MXRA5: variants seen among roughly 807,000 people sequenced by gnomAD.
MXRA5 encodes the protein matrix remodeling associated 5.
In MXRA5, 41 loss-of-function variants were observed where a neutral mutation model predicts 112.5. The ratio of observed to expected loss-of-function variants is 0.36; its 90% CI spans 0.28 to 0.47. The LOEUF is 0.47. MXRA5 is among the 20% of genes least tolerant of loss of function. The pLI is 0.99. For synonymous variants in MXRA5, 862 were observed against 900.8 expected (o/e 0.96, Z 0.77); for missense variants, 2,150 against 2,251.0 (o/e 0.96, Z 0.91).
At position 3,317,372 on chromosome X, in the gene MXRA5, G is replaced by C. The variant is rs1921171770; in HGVS notation, c.6309C>G (p.Pro2103=). ...QFLHGNLFVF[P]NGTLYIRNLA... ...GGTTGCGGATGTAGAGCGTCCCGTTGGGGAAAACAAACAAGTTCCCGTGGA... is the reference window on the plus strand; with the variant it reads ...GGTTGCGGATGTAGAGCGTCCCGTTCGGGAAAACAAACAAGTTCCCGTGGA... Residue 2103 remains proline, a synonymous_variant, in exon 6 of 7, where the codon CCC becomes CCG. Coordinates refer to ENST00000217939, the MANE Select transcript of MXRA5 (RefSeq NM_015419.4). 8.3e-7 allele frequency: 1 copy of C among 1,208,902 alleles called. No individual in the cohort carries two copies. Among genetic ancestry groups the C allele is most frequent in the African/African-American group, 1.7e-5 (1 of 57,668 alleles).
intron 6 of MXRA5, among the ~76,000 whole-genome samples, chrX:3,315,504 T>C (rs1921093232): frequency 9.2e-6 from 1 of 108,470 alleles, no homozygotes; most frequent in African/African-American, 3.4e-5. Flanking sequence ...TGATGGGCCA[T>C]CCTGTGCACT....
intron 4 of MXRA5, among the ~76,000 whole-genome samples, chrX:3,326,137 A>ATACATTTATATATATTTATATATAT (rs1921487728): frequency 4.7e-5 from 2 of 42,742 alleles, no homozygotes; most frequent in Admixed American, 3.1e-4. Context: ...ATATATATAA[A>ATACATTTATATATATTTATATATAT]TTATATGTAA....
At chrX:3,340,967 T>C (rs1457839088) in intron 2 of MXRA5, among the ~76,000 whole-genome samples, 17 of 83,196 alleles carry the variant, frequency 2.0e-4, no homozygotes, top group African/African-American at 6.9e-4. Context: ...AGATATATAT[T>C]ATGTATAATA....
At chrX:3,326,648 C>T (rs988320091) in intron 4 of MXRA5, among the ~76,000 whole-genome samples, 3 of 109,517 alleles carry the variant, frequency 2.7e-5, no homozygotes, top group African/African-American at 1.0e-4. Context: ...TTTGAGTTCA[C>T]GTTGTCCTCT....
chrX:3,334,289 T>C (rs1921736406), intron 2 of MXRA5, among the ~76,000 whole-genome samples: 4 of 111,975 alleles, frequency 3.6e-5, no homozygotes, highest in Non-Finnish European at 5.6e-5. Flanking sequence ...CTAGGCCTCA[T>C]GTTTTGAGGT....
Position 3,321,142 on chromosome X carries a change from T to G in MXRA5, c.4543A>C (p.Ser1515Arg), listed in dbSNP as rs775483464. 6.6e-6 allele frequency: 8 copies of G among 1,210,294 alleles called. No individual in the cohort carries two copies. The East Asian group carries it at 2.4e-4, about 36-fold the overall frequency. The change falls in exon 5 of 7, where the codon AGT becomes CGT. Residue 1515 changes from serine to arginine, a missense_variant. Physicochemically the swap from Ser to Arg is moderately radical, Grantham distance 110 (BLOSUM62 -1). Coordinates refer to ENST00000217939, the MANE Select transcript of MXRA5 (RefSeq NM_015419.4). ...QTTTTKPALPSPRISQASRDS... is the reference protein window; with the variant it reads ...QTTTTKPALPRPRISQASRDS... ...CTAGATGCTTGAGATATTCTTGGAC[T>G]GGGAAGTGCTGGCTTAGTGGTGGTG...
chrX:3,317,059 C>T (rs368629556), intron 6 of MXRA5, 44 bp downstream of exon 6: 400 of 1,088,707 alleles, frequency 3.7e-4, no homozygotes, highest in Non-Finnish European at 4.6e-4. Context: ...TTCGTTGGGG[C>T]CACCAGCCCA....
rs1569179727 is a variant in MXRA5 at position 3,310,030 on chromosome X, G to A, written c.8173C>T (p.Pro2725Ser). The change falls in exon 7 of 7, where the codon CCC (proline) becomes TCC (serine). Residue 2725 changes from proline to serine, a missense_variant. By Grantham distance (74) the Pro-to-Ser change is moderately conservative. This residue lies in a region of MXRA5 where 178 missense variants were observed against 198.2 expected (regional missense o/e 0.90). Coordinates refer to ENST00000217939, the MANE Select transcript of MXRA5 (RefSeq NM_015419.4). ...GGAGGATAGGCGATCACAATCACGG[G>A]GATGCTGGTGACCGAAGGGCCGTAC... ...TEYGPSVTSI[P>S]VIVIAYPPRI... 1 of 1,209,145 alleles carries A rather than the reference G, an allele frequency of 8.3e-7. No individual in the cohort carries two copies. The highest frequency in any genetic ancestry group is 1.1e-6 in the Non-Finnish European group (1 of 894,956).
chrX:3,320,445 C>T lies in MXRA5; in HGVS notation c.5240G>A (p.Arg1747Gln). The T allele has an allele frequency of 8.3e-6, 10 of 1,211,256 alleles. No homozygotes were observed. The highest frequency in any genetic ancestry group is 3.5e-5 in the South Asian group (2 of 56,926). ...AGGAGAAGTGGGTATCTGGGGTCTC[C>T]GGGTGACTCCCAACTGTGGAAAAGA... ...TLSFPQLGVT[R>Q]RPQIPTSPAP... The change falls in exon 5 of 7, where the codon CGG becomes CAG. Residue 1747 changes from arginine (R) to glutamine (Q), a missense_variant. By Grantham distance (43) the Arg-to-Gln change is conservative. Around this residue, in one of 6 missense-constraint regions of MXRA5, gnomAD observed 1,485 missense variants for 1,471.6 expected, o/e 1.01. Transcript: ENST00000217939.
rs767267397 is a variant in MXRA5, at chrX:3,311,067, G to C, written c.7136C>G (p.Thr2379Ser). The C allele has an allele frequency of 1.7e-6, 2 of 1,211,600 alleles. No homozygotes were observed. The highest frequency in any genetic ancestry group is 1.8e-5 in the South Asian group (1 of 56,948). ...EAKGEPMPKV[T>S]WLSPTNKVIP... ...CACCTTGTTGGTTGGGGACAACCAA[G>C]TCACCTTGGGCATGGGTTCTCCTTT... Residue 2379 changes from threonine (T) to serine (S), a missense_variant, in exon 7 of 7, where the codon ACT (threonine) becomes AGT (serine). This residue lies in a region of MXRA5 where 1,485 missense variants were observed against 1,471.6 expected (regional missense o/e 1.01). Coordinates refer to ENST00000217939, the MANE Select transcript of MXRA5 (RefSeq NM_015419.4).
chrX:3,320,803 T>C lies in MXRA5; in HGVS notation c.4882A>G (p.Ser1628Gly), dbSNP rs768984342. 1 of 1,212,091 alleles carries C rather than the reference T, an allele frequency of 8.3e-7. No homozygotes were observed. Among genetic ancestry groups the C allele is most frequent in the Non-Finnish European group, 1.1e-6 (1 of 895,620 alleles). The stretch of plus-strand genomic sequence containing the variant: ...GAAGTTACAAAGTATCTGGAAGCGC[T>C]TTGTGTGGACATTTCAGGCAGCCTC... ...TVRLPEMSTQ[S>G]ASRYFVTSQS... Residue 1628 changes from serine to glycine, a missense_variant, in exon 5 of 7, where the codon AGC becomes GGC. Physicochemically the swap from Ser to Gly is moderately conservative, Grantham distance 56 (BLOSUM62 0). Transcript: ENST00000217939.
Position 3,345,625 on chromosome X carries a change from C to T in MXRA5, c.-29+890G>A, listed in dbSNP as rs771514565. 1.5e-4 allele frequency among the ~76,000 whole-genome samples: 17 copies of T among 113,213 alleles called. No individual in the cohort carries two copies. In the East Asian group the frequency reaches 3.4e-3, roughly 23 times the overall value. On this transcript the variant is annotated intron_variant, in intron 1 of 6. Transcript: ENST00000217939. ...TAATCCCGGGGACTCGGGGTCGGGT[C>T]TCTCCGCCGCGGAGAAAGCGGCCTG... is the stretch of plus-strand genomic sequence containing the variant.
At chrX:3,337,475 GTATCTATC>G (rs888372489) in intron 2 of MXRA5, among the ~76,000 whole-genome samples, 6 of 111,505 alleles carry the variant, frequency 5.4e-5, no homozygotes, top group Non-Finnish European at 7.5e-5. Context: ...CCCTCTGTCT[GTATCTATC>G]TATCTATCTA....
intron 4 of MXRA5, among the ~76,000 whole-genome samples, chrX:3,329,555 A>G (rs865878114): frequency 2.3e-5 from 2 of 88,552 alleles, no homozygotes; most frequent in Middle Eastern, 5.8e-3. Context: ...ATAGCTCTCT[A>G]GATCAATAGT....
rs113892373 is a variant in MXRA5, at chrX:3,310,379, C to T, written c.7824G>A (p.Ser2608=). ...CGCAGCGGTAGGCCCCGGCGTCCAC[C>T]GAGGAGAGACCGCTAATGTGTAGCA... ...DGMLHISGLS[S]VDAGAYRCVA... The change falls in exon 7 of 7, where the codon TCG becomes TCA. Residue 2608 remains serine, a synonymous_variant. Transcript: ENST00000217939. 0.056 allele frequency: 66,911 copies of T among 1,194,585 alleles called. 2,558 individuals carry two copies. The highest frequency in any genetic ancestry group is 0.26 in the African/African-American group (14,649 of 55,777).
rs1230365474 is a variant in MXRA5 at position 3,309,013 on chromosome X, A to G, written c.*703T>C. On this transcript the variant is annotated 3_prime_UTR_variant, in exon 7 of 7. Coordinates refer to ENST00000217939, the MANE Select transcript of MXRA5 (RefSeq NM_015419.4). ...CAAGTCTTGTAAAGACCAATAATTTATTAATTTTAATAAGACAGAAAGTAT... is the reference window on the plus strand; with the variant it reads ...CAAGTCTTGTAAAGACCAATAATTTGTTAATTTTAATAAGACAGAAAGTAT... The G allele has an allele frequency of 3.6e-5, 4 of 111,903 alleles. No homozygotes were observed. The highest frequency in any genetic ancestry group is 1.3e-4 in the African/African-American group (4 of 30,768). The allele number at this position is 111,903 out of a possible 1,213,427, so 9.2% of individuals were successfully genotyped here.
intron 2 of MXRA5, among the ~76,000 whole-genome samples, chrX:3,341,279 ATAAT>A (rs1298401738): frequency 2.1e-5 from 1 of 48,601 alleles, no homozygotes; most frequent in African/African-American, 7.5e-5. Flanking sequence ...TATATAATAT[ATAAT>A]TAATATATAT....
chrX:3,322,491 T>C lies in MXRA5; in HGVS notation c.3194A>G (p.Gln1065Arg), dbSNP rs1921339004. The change falls in exon 5 of 7, where the codon CAG (glutamine) becomes CGG (arginine). Residue 1065 changes from glutamine (Q) to arginine (R), a missense_variant. By Grantham distance (43) the Gln-to-Arg change is conservative. Transcript: ENST00000217939. The part of the protein sequence containing the change: ...LIKKGMKEMS[Q>R]TLQGGNMLEG... ...TAGCATATTTCCTCCCTGTAGTGTC[T>C]GAGACATCTCTTTCATACCCTTTTT... 8.3e-7 allele frequency: 1 copy of C among 1,209,757 alleles called. No individual in the cohort carries two copies.
chrX:3,326,306 A>C (rs1322518287), intron 4 of MXRA5, among the ~76,000 whole-genome samples: 2 of 55,663 alleles, frequency 3.6e-5, no homozygotes, highest in African/African-American at 1.2e-4. Flanking sequence ...CATTTATAAT[A>C]TATAATTTGT....
Sources: allele counts gnomAD v4.1 joint callset (sites outside exome capture counted in the v4.1 genomes callset), GRCh38; gene constraint gnomAD v4.1.1; regional missense constraint gnomAD v4.1.1; transcripts MANE v1.5; gene names NCBI Gene and HGNC (gene_info 2026-07-23, HGNC 2026-07-21).